Variants in RECK observed in about 807,000 individuals in gnomAD.
RECK encodes the protein reversion inducing cysteine rich protein with kazal motifs, also known as reversion-inducing cysteine-rich protein with Kazal motifs.
Under a neutral mutation model 115.1 loss-of-function variants are expected in RECK, and 69 were observed. That is an observed-to-expected ratio of 0.60 (90% CI 0.49 to 0.73). The LOEUF (loss-of-function observed/expected upper bound fraction) is 0.73, where lower values mean the gene tolerates loss of function less well. Among genes scored for constraint, RECK ranks in the 30% least tolerant of loss-of-function variants. The probability of loss-of-function intolerance (pLI) is 0.00; values close to 1 mark genes in which losing one functional copy is unlikely to be tolerated. For missense variants in RECK, 1,047 were observed against 1,203.7 expected (o/e 0.87, Z 1.93); for synonymous variants, 414 against 419.7 (o/e 0.99, Z 0.17).
chr9:36,082,241 T>G (rs554570213), intron 7 of RECK, among the ~76,000 whole-genome samples: 2 of 151,376 alleles, frequency 1.3e-5, no homozygotes, highest in African/African-American at 4.8e-5. Flanking sequence ...TAGAGTGTGG[T>G]GGCGAGATCT....
intron 9 of RECK, 124 bp from the exon 10 acceptor site, chr9:36,091,040 G>A (rs911846623): frequency 2.6e-6 from 2 of 783,598 alleles, no homozygotes; most frequent in South Asian, 2.5e-5. Flanking sequence ...TAGTCATTTG[G>A]TTTTTTTACT....
intron 16 of RECK, 88 bp downstream of exon 16, chr9:36,112,564 T>C (rs1824099250): frequency 5.8e-6 from 8 of 1,389,200 alleles, no homozygotes; most frequent in South Asian, 4.9e-5. Flanking sequence ...AACAGAAAGG[T>C]AAATTAAGAA....
chr9:36,118,739 T>C lies in RECK; in HGVS notation c.2254-18T>C. On this transcript the variant is annotated intron_variant, in intron 17 of 20. Transcript: ENST00000377966. The stretch of plus-strand genomic sequence containing the variant: ...AACATAGACATTTCCAGGCTAAATG[T>C]GATTTGTTTGCCCTCAGCCCTTTTG... 1 of 1,610,826 alleles carries C rather than the reference T, an allele frequency of 6.2e-7. No individual in the cohort carries two copies. Among genetic ancestry groups the C allele is most frequent in the South Asian group, 1.1e-5 (1 of 90,948 alleles).
At chr9:36,110,184 A>C (rs1211287042) in intron 15 of RECK, 105 bp downstream of exon 15, 1 of 1,228,100 alleles carries the variant, frequency 8.1e-7, no homozygotes, top group African/African-American at 1.5e-5. Context: ...TGTACACAAT[A>C]AAATCAATAC....
intron 2 of RECK, among the ~76,000 whole-genome samples, chr9:36,052,865 A>C (rs1464943657): frequency 2.6e-5 from 4 of 152,202 alleles, no homozygotes; most frequent in Non-Finnish European, 4.4e-5. Context: ...GCTATAAAGG[A>C]CATTATCAGG....
intron 19 of RECK, among the ~76,000 whole-genome samples, chr9:36,121,307 G>A (rs1249113455): frequency 6.6e-6 from 1 of 152,132 alleles, no homozygotes; most frequent in African/African-American, 2.4e-5. Flanking sequence ...TGCAAAAGTG[G>A]TTCTGGTGAA....
chr9:36,080,771 C>T, intron 7 of RECK, 133 bp downstream of exon 7: 1 of 745,198 alleles, frequency 1.3e-6, no homozygotes, highest in Non-Finnish European at 2.2e-6. Context: ...ATAACAATTC[C>T]CATGTCTTAA....
chr9:36,064,807 C>G (rs10972712), intron 5 of RECK, among the ~76,000 whole-genome samples: 11 of 152,186 alleles, frequency 7.2e-5, no homozygotes, highest in African/African-American at 2.4e-4. Context: ...CTGGCCTGTT[C>G]TAAATTGCAC....
At chr9:36,088,947 G>A (rs1405417065) in intron 9 of RECK, among the ~76,000 whole-genome samples, 1 of 152,184 alleles carries the variant, frequency 6.6e-6, no homozygotes, top group Admixed American at 6.5e-5. Flanking sequence ...CTTGGACCTG[G>A]GAGGCAGAGG....
Position 36,114,546 on chromosome 9 carries a change from A to C in RECK, c.2060+2070A>C, listed in dbSNP as rs1434187946. On this transcript the variant is annotated intron_variant, in intron 16 of 20. Coordinates refer to ENST00000377966, the MANE Select transcript of RECK (RefSeq NM_021111.3). ...TTAGCACATATAAATGCTTATCCTTACATAAAATATATCTGTAGGGATAAA... is the reference window on the plus strand; with the variant it reads ...TTAGCACATATAAATGCTTATCCTTCCATAAAATATATCTGTAGGGATAAA... Among the ~76,000 whole-genome samples, 4 of 152,242 alleles carry C rather than the reference A, an allele frequency of 2.6e-5. No homozygotes were observed. The East Asian group carries it at 7.7e-4, about 29-fold the overall frequency.
At chr9:36,071,711 T>C (rs1019434602) in intron 6 of RECK, among the ~76,000 whole-genome samples, 4 of 152,222 alleles carry the variant, frequency 2.6e-5, no homozygotes, top group Admixed American at 6.5e-5. Context: ...GGGGTATTTT[T>C]GTGAGGACTA....
chr9:36,065,870 A>G (rs767044844), intron 6 of RECK, among the ~76,000 whole-genome samples: 1 of 152,188 alleles, frequency 6.6e-6, no homozygotes, highest in Non-Finnish European at 1.5e-5. Context: ...TTTAACCTAT[A>G]ATATTTTTAT....
rs902453990 is a variant in RECK, at chr9:36,118,959, T to A, written c.2456T>A (p.Ile819Asn). Residue 819 changes from isoleucine (I) to asparagine (N), a missense_variant, in exon 18 of 21, where the codon ATC becomes AAC. Coordinates refer to ENST00000377966, the MANE Select transcript of RECK (RefSeq NM_021111.3). ...TTGGCAGCTGGATGCAAACCCATCA[T>A]CCCACCGGGTAGGCTGGCAGTATCG... ...SLLAAGCKPI[I>N]PPGACCPLCA... 1.2e-6 allele frequency: 2 copies of A among 1,612,036 alleles called. No individual in the cohort carries two copies. The highest frequency in any genetic ancestry group is 1.7e-6 in the Non-Finnish European group (2 of 1,179,766).
chr9:36,038,002 TAAAAAAAAA>T (rs370999682), intron 1 of RECK, among the ~76,000 whole-genome samples: 1 of 112,506 alleles, frequency 8.9e-6, no homozygotes, highest in Non-Finnish European at 1.8e-5. Flanking sequence ...AGAGACACCT[TAAAAAAAAA>T]AAAAAAAAAA....
At chr9:36,063,040 C>T (rs1821844408) in intron 4 of RECK, among the ~76,000 whole-genome samples, 2 of 151,972 alleles carry the variant, frequency 1.3e-5, no homozygotes, top group South Asian at 4.2e-4. Context: ...GAGGCTGAGG[C>T]AGGAGAATTG....
chr9:36,099,239 A>ACAG (rs1254624107), intron 10 of RECK, among the ~76,000 whole-genome samples: 1 of 145,990 alleles, frequency 6.8e-6, no homozygotes, highest in Non-Finnish European at 1.5e-5. Context: ...AACAACAACA[A>ACAG]CAACAACAAC....
At position 36,118,649 on chromosome 9, in the gene RECK, C is replaced by T; in HGVS notation, c.2254-108C>T. 2.9e-6 allele frequency: 3 copies of T among 1,049,722 alleles called. No homozygotes were observed. In the Admixed American group the frequency reaches 7.0e-5, roughly 25 times the overall value. 65.0% of individuals were successfully genotyped at this position (1,049,722 alleles called of 1,614,324 possible). On this transcript the variant is annotated intron_variant, in intron 17 of 20. Coordinates refer to ENST00000377966, the MANE Select transcript of RECK (RefSeq NM_021111.3). ...ACTTAAGAGGTCCTCATAATTTATA[C>T]CTGTGTCTTTTTTCCTTCCTGAAAA...
chr9:36,091,740 T>C (rs1371859915), intron 10 of RECK, among the ~76,000 whole-genome samples: 2 of 152,234 alleles, frequency 1.3e-5, no homozygotes, highest in Non-Finnish European at 2.9e-5. Context: ...GTCCCCTGTT[T>C]CATACAAAAA....
chr9:36,086,760 G>A (rs141046592), intron 8 of RECK, among the ~76,000 whole-genome samples: 1,563 of 152,226 alleles, frequency 0.01, 4 homozygotes, highest in Non-Finnish European at 0.015. Flanking sequence ...AGGCCCAGCC[G>A]GCTTCACCTC....
Sources: gnomAD v4.1 joint callset for allele counts (sites outside exome capture counted in the v4.1 genomes callset) on GRCh38, gnomAD v4.1.1 for gene constraint, MANE v1.5 for transcripts, NCBI Gene and HGNC (gene_info 2026-07-23, HGNC 2026-07-21) for gene names.